The following PLXNA2 variants were observed in gnomAD, a reference collection of about 807,000 sequenced individuals.
The protein encoded by PLXNA2 is plexin A2, also known as plexin-A2.
Under a neutral mutation model 193.5 loss-of-function variants are expected in PLXNA2, and 91 were observed. That is an observed-to-expected ratio of 0.47 (90% CI 0.40 to 0.56). PLXNA2 has a LOEUF of 0.56. Ranked by LOEUF, PLXNA2 falls within the 20% of genes least tolerant of loss-of-function variation. The pLI is 0.00. For missense variants in PLXNA2, 1,995 were observed against 2,503.2 expected, an observed-to-expected ratio of 0.80 and a Z score of 4.33; for synonymous variants, 997 against 1,027.3, an observed-to-expected ratio of 0.97 and a Z score of 0.56.
chr1:208,110,096 T>C (rs1473606805), intron 4 of PLXNA2, among the ~76,000 whole-genome samples: 1 of 152,182 alleles, frequency 6.6e-6, no homozygotes, highest in Non-Finnish European at 1.5e-5. Context: ...GGGAGAGAAA[T>C]GTGGGCCAAT....
intron 4 of PLXNA2, among the ~76,000 whole-genome samples, chr1:208,112,420 A>G (rs1667509930): frequency 6.6e-6 from 1 of 152,182 alleles, no homozygotes; most frequent in African/African-American, 2.4e-5. Context: ...CTTGAGCTTT[A>G]GTTTCCTTCT....
At chr1:208,072,915 T>C (rs1666020021) in intron 12 of PLXNA2, among the ~76,000 whole-genome samples, 2 of 152,162 alleles carry the variant, frequency 1.3e-5, no homozygotes, top group African/African-American at 4.8e-5. Context: ...ACATTTTAGG[T>C]ACTCTTGGGG....
rs141565680 is a variant in PLXNA2, at chr1:208,235,706, C to T, written c.-81+7937G>A. Among the ~76,000 whole-genome samples the T allele has an allele frequency of 3.0e-3, 450 of 152,312 alleles. 4 individuals are homozygous for T. The highest frequency in any genetic ancestry group is 0.011 in the African/African-American group (437 of 41,576). On this transcript the variant is annotated intron_variant, in intron 1 of 31. Transcript: ENST00000367033. ...CTGTTTGATTCTTTGACACCAGGCT[C>T]TTCCTGACCATCTGCTCTCAACCAT...
intron 3 of PLXNA2, among the ~76,000 whole-genome samples, chr1:208,195,391 C>CT (rs1670323921): frequency 1.3e-5 from 2 of 152,256 alleles, no homozygotes; most frequent in Middle Eastern, 6.8e-3. Context: ...TCTCTTGACT[C>CT]TCCTGTGAGT....
intron 4 of PLXNA2, 36 bp downstream of exon 4, chr1:208,142,292 TG>T (rs763393944): frequency 6.4e-7 from 1 of 1,554,566 alleles, no homozygotes; most frequent in Non-Finnish European, 8.7e-7. Context: ...AGCAGTTTCT[TG>T]GAGTTTGGAA....
rs182207583 is a variant in PLXNA2, at chr1:208,148,280, T to C, written c.1372-5817A>G. On this transcript the variant is annotated intron_variant, in intron 3 of 31. Transcript: ENST00000367033. ...TAGTAGCAGTAGCAGTAATAGTATATATAGGTTTTCTGCAAGAGCTGTGGA... is the reference window on the plus strand; with the variant it reads ...TAGTAGCAGTAGCAGTAATAGTATACATAGGTTTTCTGCAAGAGCTGTGGA... Among the ~76,000 whole-genome samples the C allele has an allele frequency of 9.0e-5, 13 of 144,478 alleles. No individual in the cohort carries two copies. The East Asian group carries it at 1.7e-3, about 18-fold the overall frequency. 94.8% of individuals were successfully genotyped at this position (144,478 alleles called of 152,430 possible). A position where few individuals can be genotyped will look rare whatever the true frequency, so the allele number is the denominator to read the frequency against.
At position 208,236,714 on chromosome 1, in the gene PLXNA2, C is replaced by T. The variant is rs555218144; in HGVS notation, c.-81+6929G>A. Among the ~76,000 whole-genome samples the T allele has an allele frequency of 2.0e-5, 3 of 152,334 alleles. No individual in the cohort carries two copies. Among genetic ancestry groups the T allele is most frequent in the South Asian group, 2.1e-4 (1 of 4,822 alleles). On this transcript the variant is annotated intron_variant, in intron 1 of 31. Coordinates refer to ENST00000367033, the MANE Select transcript of PLXNA2 (RefSeq NM_025179.4). The surrounding 1 kb of genome is among the most constrained non-coding windows in gnomAD (Gnocchi z 4.4). Reference sequence around the variant, plus strand: ...CAGCTCCTCATCCAAAGCCCTGTTCCACCACCAGAGCAGAAGCGGAAATGA... The same window carrying T: ...CAGCTCCTCATCCAAAGCCCTGTTCTACCACCAGAGCAGAAGCGGAAATGA...
chr1:208,040,833 T>C (rs1212299492), intron 22 of PLXNA2, among the ~76,000 whole-genome samples: 1 of 152,212 alleles, frequency 6.6e-6, no homozygotes, highest in Non-Finnish European at 1.5e-5. Context: ...GATTTGCTCA[T>C]GCAAGGGCTG....
intron 17 of PLXNA2, among the ~76,000 whole-genome samples, chr1:208,047,186 C>A (rs111569225): frequency 6.6e-6 from 1 of 152,164 alleles, no homozygotes; most frequent in Non-Finnish European, 1.5e-5. Flanking sequence ...GTCCTGAACT[C>A]CTAACCTCAG....
At chr1:208,106,835 G>A (rs574481879) in intron 4 of PLXNA2, among the ~76,000 whole-genome samples, 3 of 152,252 alleles carry the variant, frequency 2.0e-5, no homozygotes, top group African/African-American at 4.8e-5. Flanking sequence ...TGCCCTAAAC[G>A]GAGTATACAC....
At chr1:208,030,870 G>A (rs753187314) in intron 29 of PLXNA2, 5 of 985,310 alleles carry the variant, frequency 5.1e-6, no homozygotes, top group Non-Finnish European at 6.0e-6. Flanking sequence ...AGCTTGGTCT[G>A]TGGTCCAGGT....
intron 1 of PLXNA2, among the ~76,000 whole-genome samples, chr1:208,239,163 A>C (rs1671965481): frequency 6.6e-6 from 1 of 151,910 alleles, no homozygotes; most frequent in African/African-American, 2.4e-5. Flanking sequence ...CTAAAAAAAA[A>C]AAAAAGCACA....
rs1010866506 is a variant in PLXNA2 at position 208,024,173 on chromosome 1, G to C, written c.*3070C>G. 1.3e-5 allele frequency: 2 copies of C among 152,262 alleles called. No homozygotes were observed. The highest frequency in any genetic ancestry group is 1.3e-4 in the Admixed American group (2 of 15,290). 9.4% of individuals were successfully genotyped at this position (152,262 alleles called of 1,614,324 possible). A position where few individuals can be genotyped will look rare whatever the true frequency, so the allele number is the denominator to read the frequency against. On this transcript the variant is annotated 3_prime_UTR_variant, in exon 32 of 32. Transcript: ENST00000367033. ...AGATCAATGAAACGAAGCGAAGCTG[G>C]ATAGACTTTGGAGAGAGACTTCCCT...
chr1:208,228,059 T>C (rs1218568804), intron 1 of PLXNA2, among the ~76,000 whole-genome samples: 3 of 152,222 alleles, frequency 2.0e-5, no homozygotes, highest in African/African-American at 7.2e-5. Context: ...TCTCGGTCCA[T>C]GAACTGACCC....
At position 208,060,518 on chromosome 1, in the gene PLXNA2, G is replaced by A. The variant is rs1665582016; in HGVS notation, c.2738+168C>T. ...TCAAACAGGATGAGACCCCCTGAGG[G>A]TGGAGGTGAGGGAGGAGGGGGCCCT... On this transcript the variant is annotated intron_variant, in intron 13 of 31. Transcript: ENST00000367033. Among the ~76,000 whole-genome samples the A allele has an allele frequency of 2.6e-5, 4 of 152,192 alleles. No individual in the cohort carries two copies. In the South Asian group the frequency reaches 8.3e-4, roughly 32 times the overall value.
Position 208,238,025 on chromosome 1 carries a change from T to C in PLXNA2, c.-81+5618A>G, listed in dbSNP as rs78515104. On this transcript the variant is annotated intron_variant, in intron 1 of 31. Transcript: ENST00000367033. Reference sequence around the variant, plus strand: ...CAGTGCAAAGGGTAAGAATCTCTCCTTCTTCTATCCCTCTATACTATGGTT... The same window carrying C: ...CAGTGCAAAGGGTAAGAATCTCTCCCTCTTCTATCCCTCTATACTATGGTT... Among the ~76,000 whole-genome samples the C allele has an allele frequency of 1.4e-3, 219 of 152,354 alleles. 2 individuals are homozygous for C. The East Asian group carries it at 0.034, about 23-fold the overall frequency.
chr1:208,105,283 TG>T (rs1296317158), intron 4 of PLXNA2, among the ~76,000 whole-genome samples: 2 of 152,172 alleles, frequency 1.3e-5, no homozygotes, highest in African/African-American at 4.8e-5. Flanking sequence ...ATGGCTGCAG[TG>T]GGACTCATGG....
intron 4 of PLXNA2, among the ~76,000 whole-genome samples, chr1:208,114,031 G>A (rs1667568263): frequency 6.6e-6 from 1 of 152,184 alleles, no homozygotes; most frequent in Admixed American, 6.5e-5. Context: ...TGTTGTCTGA[G>A]ATGAGGATTC....
intron 4 of PLXNA2, among the ~76,000 whole-genome samples, chr1:208,110,532 C>A (rs1425425384): frequency 1.3e-5 from 2 of 152,224 alleles, no homozygotes; most frequent in Admixed American, 6.5e-5. Context: ...ACAATAATAA[C>A]AACAGCTGCA....
Sources: allele counts gnomAD v4.1 joint callset (sites outside exome capture counted in the v4.1 genomes callset), GRCh38; gene constraint gnomAD v4.1.1; non-coding constraint Gnocchi (gnomAD v3.1); transcripts MANE v1.5; gene names NCBI Gene and HGNC (gene_info 2026-07-23, HGNC 2026-07-21).